The following LRBA variants were observed in gnomAD, a reference collection of about 807,000 sequenced individuals.
The protein encoded by LRBA is lipopolysaccharide-responsive and beige-like anchor protein.
Under a neutral mutation model 330.0 loss-of-function variants are expected in LRBA, and 176 were observed. That is an observed-to-expected ratio of 0.53 (90% CI 0.47 to 0.60). The LOEUF (loss-of-function observed/expected upper bound fraction) is 0.60, where lower values mean the gene tolerates loss of function less well. Ranked by LOEUF, LRBA falls within the 20% of genes least tolerant of loss-of-function variation. The probability of loss-of-function intolerance (pLI) is 0.00; values close to 1 mark genes in which losing one functional copy is unlikely to be tolerated. For synonymous variants in LRBA, 1,230 were observed against 1,193.0 expected, an observed-to-expected ratio of 1.03 and a Z score of -0.64; for missense variants, 3,259 against 3,444.8, an observed-to-expected ratio of 0.95 and a Z score of 1.35.
At chr4:150,821,703 T>C (rs1578890784) in intron 30 of LRBA, among the ~76,000 whole-genome samples, 1 of 152,186 alleles carries the variant, frequency 6.6e-6, no homozygotes, top group Admixed American at 6.5e-5. Context: ...AGCCTACCAC[T>C]TCAGTCCCTA....
chr4:150,518,701 A>T (rs529619410), intron 40 of LRBA, among the ~76,000 whole-genome samples: 141 of 152,306 alleles, frequency 9.3e-4, no homozygotes, highest in Non-Finnish European at 1.2e-3. Context: ...GGCACCAAAT[A>T]TTCAGGTGAC....
chr4:150,914,841 C>T (rs950236689), intron 8 of LRBA, among the ~76,000 whole-genome samples: 2 of 152,046 alleles, frequency 1.3e-5, no homozygotes, highest in Non-Finnish European at 2.9e-5. Context: ...CTGTATAAGG[C>T]GCGCTGCTAA....
chr4:150,392,822 G>A (rs144455795), intron 47 of LRBA, among the ~76,000 whole-genome samples: 170 of 150,680 alleles, frequency 1.1e-3, no homozygotes, highest in Non-Finnish European at 2.0e-3. Flanking sequence ...ACAGGGGGAG[G>A]GGAACATCAC....
Position 150,928,566 on chromosome 4 carries a change from G to T in LRBA, c.499C>A (p.Arg167Ser), listed in dbSNP as rs371936024. Reference sequence around the variant, plus strand: ...TTACTGAAGAAAAGCTTTAGCTCGCGAACTGTCAAATTATAGCTAGCCAGC... The same window carrying T: ...TTACTGAAGAAAAGCTTTAGCTCGCTAACTGTCAAATTATAGCTAGCCAGC... ...GVLASYNLTV[R>S]ELKLFFSKLQ... The change falls in exon 4 of 57, where the codon CGC becomes AGC. Residue 167 changes from arginine to serine, a missense_variant. Transcript: ENST00000651943. The T allele has an allele frequency of 2.5e-6, 4 of 1,613,618 alleles. No individual in the cohort carries two copies. The highest frequency in any genetic ancestry group is 2.2e-5 in the East Asian group (1 of 44,850).
At chr4:150,796,256 T>C (rs1222870430) in intron 34 of LRBA, among the ~76,000 whole-genome samples, 1 of 151,990 alleles carries the variant, frequency 6.6e-6, no homozygotes, top group African/African-American at 2.4e-5. Flanking sequence ...AGTTCACTTC[T>C]TAACAAAATA....
At chr4:150,793,568 G>T (rs1392215930) in intron 34 of LRBA, among the ~76,000 whole-genome samples, 2 of 152,118 alleles carry the variant, frequency 1.3e-5, no homozygotes, top group Admixed American at 1.3e-4. Flanking sequence ...ACATTTATAT[G>T]GTTGAACAGT....
At chr4:150,908,100 T>C (rs1341519046) in intron 11 of LRBA, among the ~76,000 whole-genome samples, 1 of 152,220 alleles carries the variant, frequency 6.6e-6, no homozygotes, top group Non-Finnish European at 1.5e-5. Flanking sequence ...TTGCCATTTA[T>C]AATGTTATTC....
At chr4:150,661,469 C>CAAAAAAAAAAAAAAA (rs563120801) in intron 37 of LRBA, among the ~76,000 whole-genome samples, 1 of 64,966 alleles carries the variant, frequency 1.5e-5, no homozygotes, top group Admixed American at 1.7e-4. Context: ...GACTCTGTCT[C>CAAAAAAAAAAAAAAA]AAAAAAAAAA....
At chr4:150,985,182 C>G (rs2149612754) in intron 2 of LRBA, among the ~76,000 whole-genome samples, 1 of 151,030 alleles carries the variant, frequency 6.6e-6, no homozygotes, top group South Asian at 2.1e-4. Flanking sequence ...TCACTTGAAC[C>G]TGGGGGTGGA....
At chr4:150,554,465 A>G (rs1767028108) in intron 40 of LRBA, among the ~76,000 whole-genome samples, 2 of 152,212 alleles carry the variant, frequency 1.3e-5, no homozygotes, top group South Asian at 4.1e-4. Flanking sequence ...GCCATAAGGA[A>G]TATCTGTTAT....
intron 48 of LRBA, among the ~76,000 whole-genome samples, chr4:150,326,269 T>C (rs1733249295): frequency 6.6e-6 from 1 of 152,174 alleles, no homozygotes; most frequent in South Asian, 2.1e-4. Context: ...AGAGAAAAAC[T>C]ATTGCTTCTT....
chr4:150,589,330 C>A (rs1177575935), intron 39 of LRBA, among the ~76,000 whole-genome samples: 2 of 152,114 alleles, frequency 1.3e-5, no homozygotes, highest in Admixed American at 6.5e-5. Flanking sequence ...TTAATGTGTG[C>A]CAGTAGGACA....
At chr4:150,795,354 A>C (rs996641537) in intron 34 of LRBA, among the ~76,000 whole-genome samples, 2 of 152,090 alleles carry the variant, frequency 1.3e-5, no homozygotes, top group Non-Finnish European at 2.9e-5. Flanking sequence ...GTTTGTGAAA[A>C]ACCACCTGAA....
At chr4:150,798,017 C>T (rs188060160) in intron 34 of LRBA, 64 bp downstream of exon 34, 4 of 1,052,634 alleles carry the variant, frequency 3.8e-6, no homozygotes, top group Non-Finnish European at 5.8e-6. Context: ...AATATAAAAT[C>T]CCCCATGAAA....
chr4:150,689,712 G>C (rs1478906044), intron 36 of LRBA, among the ~76,000 whole-genome samples: 1 of 152,124 alleles, frequency 6.6e-6, no homozygotes, highest in Admixed American at 6.5e-5. Flanking sequence ...GATCGCTTGA[G>C]CATAGGAGTT....
intron 44 of LRBA, among the ~76,000 whole-genome samples, chr4:150,445,812 A>G (rs1253770758): frequency 6.6e-6 from 1 of 151,926 alleles, no homozygotes; most frequent in Non-Finnish European, 1.5e-5. Flanking sequence ...CTACAGGTGC[A>G]TGCTACCACA....
intron 36 of LRBA, among the ~76,000 whole-genome samples, chr4:150,732,672 A>G (rs1183952999): frequency 6.6e-6 from 1 of 152,022 alleles, no homozygotes; most frequent in Non-Finnish European, 1.5e-5. Flanking sequence ...TTAATCATTT[A>G]TCAGTCATAG....
chr4:150,837,087 C>G (rs1443157746), intron 28 of LRBA, among the ~76,000 whole-genome samples: 1 of 152,152 alleles, frequency 6.6e-6, no homozygotes, highest in Non-Finnish European at 1.5e-5. Flanking sequence ...TGCTCAGTTT[C>G]CATGTAGTTG....
intron 31 of LRBA, among the ~76,000 whole-genome samples, chr4:150,814,648 G>T (rs1207522430): frequency 3.3e-5 from 5 of 150,726 alleles, no homozygotes; most frequent in Non-Finnish European, 1.5e-5. Flanking sequence ...AAAATGGGGG[G>T]GGCTAAGGAG....
Sources: allele counts gnomAD v4.1 joint callset (sites outside exome capture counted in the v4.1 genomes callset), GRCh38; gene constraint gnomAD v4.1.1; transcripts MANE v1.5; gene names NCBI Gene and HGNC (gene_info 2026-07-23, HGNC 2026-07-21).